The following PTPRD variants were observed in gnomAD, a reference collection of about 807,000 sequenced individuals.
PTPRD encodes the protein receptor-type tyrosine-protein phosphatase delta.
PTPRD carries 34 observed loss-of-function variants against 214.5 expected under a neutral mutation model. That is an observed-to-expected ratio of 0.16 (90% CI 0.12 to 0.21). PTPRD has a LOEUF of 0.21. Among genes scored for constraint, PTPRD ranks in the 10% least tolerant of loss-of-function variants. PTPRD has a pLI of 1.00. For missense variants in PTPRD, 2,545 were observed against 2,398.7 expected, an observed-to-expected ratio of 1.06 and a Z score of -1.27; for synonymous variants, 1,128 against 845.7, an observed-to-expected ratio of 1.33 and a Z score of -5.79.
intron 10 of PTPRD, among the ~76,000 whole-genome samples, chr9:9,019,328 GAAAGAAAGAACGAAAGAA>G (rs1569429661): frequency 7.2e-4 from 26 of 36,042 alleles, no homozygotes; most frequent in African/African-American, 2.2e-3. Flanking sequence ...AAGAAAGAAA[GAAAGAAAGAACGAAAGAA>G]AGAAAGAAAG....
At chr9:9,987,451 G>A (rs1756943494) in intron 4 of PTPRD, among the ~76,000 whole-genome samples, 1 of 152,072 alleles carries the variant, frequency 6.6e-6, no homozygotes, top group Non-Finnish European at 1.5e-5. Flanking sequence ...AACATGGAAG[G>A]CAGCAGGCAA....
chr9:8,486,392 C>G (rs374972829), intron 27 of PTPRD, 43 bp from the exon 28 acceptor site: 1 of 1,513,170 alleles, frequency 6.6e-7, no homozygotes, highest in Non-Finnish European at 9.2e-7. Flanking sequence ...CCAATCTGAA[C>G]GTTCACATTT....
intron 10 of PTPRD, among the ~76,000 whole-genome samples, chr9:9,143,082 C>T (rs1030371765): frequency 6.6e-6 from 1 of 152,170 alleles, no homozygotes; most frequent in Admixed American, 6.5e-5. Flanking sequence ...TGGATGGTAA[C>T]ATTTCACTAC....
chr9:9,618,913 A>T (rs1420799119), intron 7 of PTPRD, among the ~76,000 whole-genome samples: 1 of 152,274 alleles, frequency 6.6e-6, no homozygotes, highest in East Asian at 1.9e-4. Context: ...AGGAAAAAAA[A>T]CCTCTGAAGG....
intron 2 of PTPRD, among the ~76,000 whole-genome samples, chr9:10,424,419 A>G (rs2098593255): frequency 6.6e-6 from 1 of 151,834 alleles, no homozygotes; most frequent in African/African-American, 2.4e-5. Context: ...AACTTTCCAT[A>G]AATGAGTCTC....
intron 8 of PTPRD, among the ~76,000 whole-genome samples, chr9:9,434,245 A>G (rs529075618): frequency 3.9e-4 from 59 of 152,314 alleles, no homozygotes; most frequent in Non-Finnish European, 7.5e-4. Flanking sequence ...ACTAGAGAAT[A>G]AAAACAATCT....
intron 12 of PTPRD, among the ~76,000 whole-genome samples, chr9:8,662,639 T>C (rs868735306): frequency 3.3e-4 from 51 of 152,296 alleles, no homozygotes; most frequent in African/African-American, 1.0e-3. Flanking sequence ...CCCAGTAGCA[T>C]AGACTCACCA....
At chr9:9,079,286 T>C (rs1285439913) in intron 10 of PTPRD, among the ~76,000 whole-genome samples, 1 of 152,068 alleles carries the variant, frequency 6.6e-6, no homozygotes, top group Non-Finnish European at 1.5e-5. Flanking sequence ...AGCTTCCACA[T>C]ATGGGTGAGA....
intron 4 of PTPRD, among the ~76,000 whole-genome samples, chr9:10,017,716 T>A (rs2096751363): frequency 6.6e-6 from 1 of 152,124 alleles, no homozygotes; most frequent in Non-Finnish European, 1.5e-5. Flanking sequence ...GAATCTGTAT[T>A]CTGTTCTTTA....
intron 11 of PTPRD, among the ~76,000 whole-genome samples, chr9:8,868,565 T>G (rs1360952889): frequency 1.3e-5 from 2 of 152,190 alleles, no homozygotes; most frequent in African/African-American, 4.8e-5. Context: ...TTGGAGCAAC[T>G]TTGCTTTGTA....
At chr9:8,665,585 A>G (rs2097154534) in intron 12 of PTPRD, among the ~76,000 whole-genome samples, 2 of 152,172 alleles carry the variant, frequency 1.3e-5, no homozygotes, top group South Asian at 4.1e-4. Flanking sequence ...CATTCTACCC[A>G]TCTAATCCAG....
chr9:10,328,511 T>G (rs1049761060), intron 3 of PTPRD, among the ~76,000 whole-genome samples: 4 of 151,830 alleles, frequency 2.6e-5, no homozygotes, highest in Non-Finnish European at 4.4e-5. Flanking sequence ...AGGAACTTGT[T>G]AGCAACTTAA....
intron 11 of PTPRD, among the ~76,000 whole-genome samples, chr9:8,863,707 G>A (rs756886857): frequency 6.6e-5 from 10 of 152,040 alleles, no homozygotes; most frequent in Non-Finnish European, 1.0e-4. Flanking sequence ...TAACATAAAT[G>A]GGTGCATTGT....
At chr9:8,379,619 C>G (rs1009900424) in intron 37 of PTPRD, among the ~76,000 whole-genome samples, 1 of 152,090 alleles carries the variant, frequency 6.6e-6, no homozygotes, top group Non-Finnish European at 1.5e-5. Flanking sequence ...TTTCCTTTGA[C>G]AACTTTCCTT....
intron 5 of PTPRD, among the ~76,000 whole-genome samples, chr9:9,875,249 C>T (rs947208792): frequency 4.6e-5 from 7 of 151,914 alleles, no homozygotes; most frequent in African/African-American, 9.7e-5. Context: ...GTTTATTTTA[C>T]AGAGAAGCAA....
chr9:8,690,079 G>C (rs983581298), intron 12 of PTPRD, among the ~76,000 whole-genome samples: 3 of 146,028 alleles, frequency 2.1e-5, no homozygotes, highest in African/African-American at 5.1e-5. Context: ...CTACACTTCA[G>C]CCTAGGAGTT....
intron 8 of PTPRD, among the ~76,000 whole-genome samples, chr9:9,536,971 C>A (rs1489265649): frequency 6.6e-6 from 1 of 151,912 alleles, no homozygotes; most frequent in African/African-American, 2.4e-5. Flanking sequence ...ACGTATCAGC[C>A]TTTTTCATCT....
At chr9:10,546,698 T>C (rs985889923) in intron 2 of PTPRD, among the ~76,000 whole-genome samples, 16 of 152,156 alleles carry the variant, frequency 1.1e-4, no homozygotes, top group Middle Eastern at 3.4e-3. Context: ...GCATAATAGA[T>C]AGTCAATTAG....
At chr9:10,126,322 A>T (rs1174088316) in intron 3 of PTPRD, among the ~76,000 whole-genome samples, 3 of 151,984 alleles carry the variant, frequency 2.0e-5, no homozygotes, top group Non-Finnish European at 4.4e-5. Flanking sequence ...ATATTCCATA[A>T]TATCATCATA....
Sources: allele counts gnomAD v4.1 joint callset (sites outside exome capture counted in the v4.1 genomes callset), GRCh38; gene constraint gnomAD v4.1.1; transcripts MANE v1.5; gene names NCBI Gene and HGNC (gene_info 2026-07-23, HGNC 2026-07-21).